Variants in KRT81 observed in about 807,000 individuals in gnomAD.
KRT81 encodes keratin 81.
In KRT81, 35 loss-of-function variants were observed where a neutral mutation model predicts 35.8. The ratio of observed to expected loss-of-function variants is 0.98; its 90% CI spans 0.75 to 1.30. The LOEUF is 1.30. Among genes scored for constraint, KRT81 ranks in the 50% most tolerant of loss-of-function variants. KRT81 has a pLI of 0.00. For synonymous variants in KRT81, 249 were observed against 251.2 expected, an observed-to-expected ratio of 0.99 and a Z score of 0.08; for missense variants, 531 against 577.4, an observed-to-expected ratio of 0.92 and a Z score of 0.82.
intron 8 of KRT81, 69 bp from the exon 9 acceptor site, chr12:52,286,562 T>A: frequency 6.9e-7 from 1 of 1,459,570 alleles, no homozygotes; most frequent in East Asian, 2.5e-5. Context: ...CAACCGCCCC[T>A]GCCCAAGACC....
chr12:52,286,410 C>T lies in KRT81; in HGVS notation c.1363G>A (p.Ala455Thr), dbSNP rs145963392. The T allele has an allele frequency of 1.5e-5, 23 of 1,554,154 alleles. No homozygotes were observed. Among genetic ancestry groups the T allele is most frequent in the African/African-American group, 6.8e-5 (5 of 73,246 alleles). The change falls in exon 9 of 9, where the codon GCT becomes ACT. Residue 455 changes from alanine to threonine, a missense_variant. Around this residue, in one of 5 missense-constraint regions of KRT81, gnomAD observed 150 missense variants for 145.4 expected, o/e 1.03. Transcript: ENST00000327741. Reference sequence around the variant, plus strand: ...ACCGCCACGTTCCCGTTGCACGGAGCGCTGCAGACACTGCCAGTCACTGGC... The same window carrying T: ...ACCGCCACGTTCCCGTTGCACGGAGTGCTGCAGACACTGCCAGTCACTGGC... ...SRPVTGSVCS[A>T]PCNGNVAVST...
At chr12:52,290,987 T>C in intron 1 of KRT81, 110 bp downstream of exon 1, 1 of 411,054 alleles carries the variant, frequency 2.4e-6, no homozygotes, top group Non-Finnish European at 4.1e-6. Context: ...CCCATCAGAC[T>C]GGGATCTCAG....
chr12:52,286,254 C>G lies in KRT81; in HGVS notation c.*1G>C, dbSNP rs1215064141. Reference sequence around the variant, plus strand: ...GGGGCCTGGGACTTGAGTTGGGGTGCCTAACATTTCCGGCAGCTGCTGCCG... The same window carrying G: ...GGGGCCTGGGACTTGAGTTGGGGTGGCTAACATTTCCGGCAGCTGCTGCCG... On this transcript the variant is annotated 3_prime_UTR_variant, in exon 9 of 9. Coordinates refer to ENST00000327741, the MANE Select transcript of KRT81 (RefSeq NM_002281.4). 6.4e-7 allele frequency: 1 copy of G among 1,553,288 alleles called. No homozygotes were observed. The highest frequency in any genetic ancestry group is 1.9e-5 in the Admixed American group (1 of 51,358).
chr12:52,288,721 G>A (rs1938049169), intron 3 of KRT81, among the ~76,000 whole-genome samples: 1 of 151,916 alleles, frequency 6.6e-6, no homozygotes, highest in East Asian at 1.9e-4. Flanking sequence ...TCCTGCTCCA[G>A]GAAGCCTGCC....
Position 52,286,273 on chromosome 12 carries a change from G to A in KRT81, c.1500C>T (p.Ser500=). 3 of 1,553,864 alleles carry A rather than the reference G, an allele frequency of 1.9e-6. No individual in the cohort carries two copies. The highest frequency in any genetic ancestry group is 2.6e-6 in the Non-Finnish European group (3 of 1,148,288). Residue 500 remains serine, a synonymous_variant, in exon 9 of 9, where the codon AGC becomes AGT. Coordinates refer to ENST00000327741, the MANE Select transcript of KRT81 (RefSeq NM_002281.4). Reference sequence around the variant, plus strand: ...GGGGTGCCTAACATTTCCGGCAGCTGCTGCCGCAAGACCCCACACCCAGGG... The same window carrying A: ...GGGGTGCCTAACATTTCCGGCAGCTACTGCCGCAAGACCCCACACCCAGGG... ...ISSLGVGSCG[S]SCRKC
chr12:52,286,307 C>T lies in KRT81; in HGVS notation c.1466G>A (p.Gly489Asp), dbSNP rs1036079696. Residue 489 changes from glycine (G) to aspartate (D), a missense_variant, in exon 9 of 9, where the codon GGT (glycine) becomes GAT (aspartate). Coordinates refer to ENST00000327741, the MANE Select transcript of KRT81 (RefSeq NM_002281.4). ...GGGSCGVGSCGISSLGVGSCG... is the reference protein window; with the variant it reads ...GGGSCGVGSCDISSLGVGSCG... ...AGACCCCACACCCAGGGAGCTGATA[C>T]CACAGGAGCCCACGCCGCAGGAACC... The T allele has an allele frequency of 3.9e-6, 6 of 1,554,256 alleles. No homozygotes were observed. Among genetic ancestry groups the T allele is most frequent in the Non-Finnish European group, 5.2e-6 (6 of 1,148,472 alleles).
rs1228954462 is a variant in KRT81, at chr12:52,286,136, A to AG, written c.*118dup. ...AGAGAAATGTGAGGCCAGGAGTGGG[A>AG]GGGGTCTTTCAAAGTGCAGGAGAAG... is the stretch of plus-strand genomic sequence containing the variant. On this transcript the variant is annotated 3_prime_UTR_variant, in exon 9 of 9. Coordinates refer to ENST00000327741, the MANE Select transcript of KRT81 (RefSeq NM_002281.4). 4.9e-6 allele frequency: 4 copies of AG among 820,352 alleles called. No homozygotes were observed. The highest frequency in any genetic ancestry group is 8.2e-6 in the Non-Finnish European group (4 of 488,456). 50.8% of individuals were successfully genotyped at this position (820,352 alleles called of 1,614,324 possible).
Position 52,286,432 on chromosome 12 carries a change from T to A in KRT81, c.1341A>T (p.Pro447=), listed in dbSNP as rs1456287852. 1 of 1,553,024 alleles carries A rather than the reference T, an allele frequency of 6.4e-7. No homozygotes were observed. The highest frequency in any genetic ancestry group is 1.4e-5 in the African/African-American group (1 of 73,270). ...CGDLCVSGSR[P]VTGSVCSAPC... ...GAGCGCTGCAGACACTGCCAGTCAC[T>A]GGCCGGGAGCCTGACACGCAGAGGT... Residue 447 remains proline, a synonymous_variant, in exon 9 of 9, where the codon CCA becomes CCT. Transcript: ENST00000327741.
rs1012819149 is a variant in KRT81, at chr12:52,286,349, T to G, written c.1424A>C (p.Asn475Thr). ...GCAGGAACCCCCTCCGCAGGTGGTG[T>G]TCAATTGGCCGCAGGGCGCACACAG... ...TGLCAPCGQL[N>T]TTCGGGSCGV... The change falls in exon 9 of 9, where the codon AAC (asparagine) becomes ACC (threonine). Residue 475 changes from asparagine to threonine, a missense_variant. Asn to Thr is a moderately conservative substitution (Grantham distance 65). Coordinates refer to ENST00000327741, the MANE Select transcript of KRT81 (RefSeq NM_002281.4). 31 of 1,554,968 alleles carry G rather than the reference T, an allele frequency of 2.0e-5. 1 individual carries two copies. The Admixed American group carries it at 2.1e-4, about 11-fold the overall frequency.
At position 52,286,323 on chromosome 12, in the gene KRT81, C is replaced by T. The variant is rs1278446325; in HGVS notation, c.1450G>A (p.Gly484Ser). 16 of 1,554,494 alleles carry T rather than the reference C, an allele frequency of 1.0e-5. No homozygotes were observed. Among genetic ancestry groups the T allele is most frequent in the African/African-American group, 2.7e-5 (2 of 73,284 alleles). Reference protein sequence around the residue: ...LNTTCGGGSCGVGSCGISSLG... With the variant: ...LNTTCGGGSCSVGSCGISSLG... ...GAGCTGATACCACAGGAGCCCACGC[C>T]GCAGGAACCCCCTCCGCAGGTGGTG... The change falls in exon 9 of 9, where the codon GGC becomes AGC. Residue 484 changes from glycine (G) to serine (S), a missense_variant. This residue lies in a region of KRT81 where 150 missense variants were observed against 145.4 expected (regional missense o/e 1.03). Transcript: ENST00000327741.
At chr12:52,287,059 G>C in intron 7 of KRT81, 43 bp downstream of exon 7, 1 of 1,612,466 alleles carries the variant, frequency 6.2e-7, no homozygotes. Context: ...CTTGTGCCAG[G>C]GATGGGGAAG....
At position 52,287,739 on chromosome 12, in the gene KRT81, G is replaced by A. The variant is rs375291221; in HGVS notation, c.901-18C>T. 59 of 1,613,924 alleles carry A rather than the reference G, an allele frequency of 3.7e-5. No homozygotes were observed. In the Admixed American group the frequency reaches 9.8e-4, roughly 27 times the overall value. On this transcript the variant is annotated intron_variant, in intron 5 of 8. Transcript: ENST00000327741. The stretch of plus-strand genomic sequence containing the variant: ...TCCTCACACTGGGGGAAGTAGAGAT[G>A]CTCATGAGGTTCAGGGTGGGACCTC...
Position 52,286,246 on chromosome 12 carries a change from TTGGGG to T in KRT81, c.*4_*8del. The T allele has an allele frequency of 6.4e-7, 1 of 1,552,562 alleles. No homozygotes were observed. The highest frequency in any genetic ancestry group is 8.7e-7 in the Non-Finnish European group (1 of 1,147,332). On this transcript the variant is annotated 3_prime_UTR_variant, in exon 9 of 9. Coordinates refer to ENST00000327741, the MANE Select transcript of KRT81 (RefSeq NM_002281.4). The stretch of plus-strand genomic sequence containing the variant: ...AGATGCCTGGGGCCTGGGACTTGAG[TTGGGG>T]TGCCTAACATTTCCGGCAGCTGCTG...
In KRT81 at chr12:52,286,184, G is replaced by T; in HGVS notation, c.*71C>A. The T allele has an allele frequency of 7.9e-7, 1 of 1,271,820 alleles. No homozygotes were observed. The highest frequency in any genetic ancestry group is 1.1e-6 in the Non-Finnish European group (1 of 893,730). 78.8% of individuals were successfully genotyped at this position (1,271,820 alleles called of 1,614,324 possible). Reference sequence around the variant, plus strand: ...AAGTAGCTGAGCACTTGCTCCAGGCGCCTGGACTGGATGGGCCAAGCAAGG... The same window carrying T: ...AAGTAGCTGAGCACTTGCTCCAGGCTCCTGGACTGGATGGGCCAAGCAAGG... On this transcript the variant is annotated 3_prime_UTR_variant, in exon 9 of 9. Coordinates refer to ENST00000327741, the MANE Select transcript of KRT81 (RefSeq NM_002281.4).
chr12:52,286,123 G>C lies in KRT81; in HGVS notation c.*132C>G. On this transcript the variant is annotated 3_prime_UTR_variant, in exon 9 of 9. Coordinates refer to ENST00000327741, the MANE Select transcript of KRT81 (RefSeq NM_002281.4). Reference sequence around the variant, plus strand: ...TGGGGGATCACACAGAGAAATGTGAGGCCAGGAGTGGGAGGGGTCTTTCAA... The same window carrying C: ...TGGGGGATCACACAGAGAAATGTGACGCCAGGAGTGGGAGGGGTCTTTCAA... 1.3e-6 allele frequency: 1 copy of C among 782,374 alleles called. No homozygotes were observed. The highest frequency in any genetic ancestry group is 2.2e-6 in the Non-Finnish European group (1 of 461,062). 48.5% of individuals were successfully genotyped at this position (782,374 alleles called of 1,614,324 possible). A position where few individuals can be genotyped will look rare whatever the true frequency, so the allele number is the denominator to read the frequency against.
At chr12:52,289,050 A>G (rs1420061770) in intron 3 of KRT81, among the ~76,000 whole-genome samples, 165 bp downstream of exon 3, 5 of 112,408 alleles carry the variant, frequency 4.4e-5, no homozygotes. Context: ...CCCTTTGTCA[A>G]GGCCCTGGAT....
chr12:52,286,211 A>G lies in KRT81; in HGVS notation c.*44T>C. On this transcript the variant is annotated 3_prime_UTR_variant, in exon 9 of 9. Coordinates refer to ENST00000327741, the MANE Select transcript of KRT81 (RefSeq NM_002281.4). ...CTGGACTGGATGGGCCAAGCAAGGCAGGGCAGGAAAGATGCCTGGGGCCTG... is the reference window on the plus strand; with the variant it reads ...CTGGACTGGATGGGCCAAGCAAGGCGGGGCAGGAAAGATGCCTGGGGCCTG... 1 of 1,499,376 alleles carries G rather than the reference A, an allele frequency of 6.7e-7. No individual in the cohort carries two copies. The highest frequency in any genetic ancestry group is 9.1e-7 in the Non-Finnish European group (1 of 1,100,048). 92.9% of individuals were successfully genotyped at this position (1,499,376 alleles called of 1,614,324 possible). A position where few individuals can be genotyped will look rare whatever the true frequency, so the allele number is the denominator to read the frequency against.
rs779043874 is a variant in KRT81, at chr12:52,288,050, A to C, written c.834T>G (p.Ile278Met). 2 of 1,614,112 alleles carry C rather than the reference A, an allele frequency of 1.2e-6. No homozygotes were observed. The highest frequency in any genetic ancestry group is 1.7e-6 in the Non-Finnish European group (2 of 1,180,026). The change falls in exon 5 of 9, where the codon ATT (isoleucine) becomes ATG (methionine). Residue 278 changes from isoleucine to methionine, a missense_variant. Around this residue, in one of 5 missense-constraint regions of KRT81, gnomAD observed 194 missense variants for 198.2 expected, o/e 0.98. Transcript: ENST00000327741. ...TGACAATGTCGTCATACTGTGCCTT[A>C]ATCTCGGCAATGATGCAGTCCATGT... The part of the protein sequence containing the change: ...DLNMDCIIAE[I>M]KAQYDDIVTR...
Position 52,288,142 on chromosome 12 carries a change from G to T in KRT81, c.742C>A (p.Leu248Ile). The part of the protein sequence containing the change: ...FLRRLYEEEI[L>I]ILQSHISDTS... ...TCTGAGATGTGCGACTGGAGAATGA[G>T]GATCTCCTGCAGGAGGTGAGGGCAG... Residue 248 changes from leucine (L) to isoleucine (I), a missense_variant, in exon 5 of 9, where the codon CTC (leucine) becomes ATC (isoleucine). Leu to Ile is a conservative substitution (Grantham distance 5, BLOSUM62 2). This residue lies in a region of KRT81 where 194 missense variants were observed against 198.2 expected (regional missense o/e 0.98). Transcript: ENST00000327741. 6 of 1,614,050 alleles carry T rather than the reference G, an allele frequency of 3.7e-6. No individual in the cohort carries two copies. Among genetic ancestry groups the T allele is most frequent in the Non-Finnish European group, 4.2e-6 (5 of 1,179,970 alleles).
Sources: gnomAD v4.1 joint callset for allele counts (sites outside exome capture counted in the v4.1 genomes callset) on GRCh38, gnomAD v4.1.1 for gene constraint, gnomAD v4.1.1 regional missense constraint, MANE v1.5 for transcripts, NCBI Gene and HGNC (gene_info 2026-07-23, HGNC 2026-07-21) for gene names.